Variants in SRP68 observed in about 807,000 individuals in gnomAD.
SRP68 encodes the protein signal recognition particle 68, also known as signal recognition particle subunit SRP68.
In SRP68, 15 loss-of-function variants were observed where a neutral mutation model predicts 82.2. That is an observed-to-expected ratio of 0.18 (90% CI 0.12 to 0.28). SRP68 has a LOEUF of 0.28. Ranked by LOEUF, SRP68 falls within the 10% of genes least tolerant of loss-of-function variation. SRP68 has a pLI of 1.00. For synonymous variants in SRP68, 261 were observed against 292.6 expected, an observed-to-expected ratio of 0.89 and a Z score of 1.10; for missense variants, 595 against 780.5, an observed-to-expected ratio of 0.76 and a Z score of 2.83.
At chr17:76,061,248 A>G (rs2066750234) in intron 5 of SRP68, 29 bp from the exon 6 acceptor site, 9 of 1,478,208 alleles carry the variant, frequency 6.1e-6, no homozygotes, top group African/African-American at 1.4e-5. Context: ...CAGGTTTTAC[A>G]TCAGCCTTAT....
At position 76,061,277 on chromosome 17, in the gene SRP68, G is replaced by T. The variant is rs1178020771; in HGVS notation, c.645-58C>A. 5 of 1,234,952 alleles carry T rather than the reference G, an allele frequency of 4.0e-6. No individual in the cohort carries two copies. In the East Asian group the frequency reaches 9.3e-5, roughly 23 times the overall value. 76.5% of individuals were successfully genotyped at this position (1,234,952 alleles called of 1,614,324 possible). A position where few individuals can be genotyped will look rare whatever the true frequency, so the allele number is the denominator to read the frequency against. The stretch of plus-strand genomic sequence containing the variant: ...GCCTTATATAAGAAAAACTCATGGG[G>T]AACACAGTGACTAAAAACAAATTAT... On this transcript the variant is annotated intron_variant, in intron 5 of 15. Transcript: ENST00000307877.
intron 3 of SRP68, 88 bp downstream of exon 3, chr17:76,067,129 A>T: frequency 1.0e-6 from 1 of 1,004,536 alleles, no homozygotes; most frequent in African/African-American, 1.6e-5. Flanking sequence ...AGAGATAATT[A>T]AAAGGTTTGG....
At chr17:76,056,522 G>A (rs1256748642) in intron 8 of SRP68, among the ~76,000 whole-genome samples, 3 of 152,188 alleles carry the variant, frequency 2.0e-5, no homozygotes, top group African/African-American at 7.2e-5. Context: ...AAAGGGATAT[G>A]AGACAGGCAA....
chr17:76,058,056 T>A (rs2066724718), intron 7 of SRP68, among the ~76,000 whole-genome samples: 1 of 151,838 alleles, frequency 6.6e-6, no homozygotes. Context: ...TACTGCAACC[T>A]CCAACTCCTG....
Position 76,039,068 on chromosome 17 carries a change from G to A in SRP68, c.*638C>T, listed in dbSNP as rs915467700. 1.7e-5 allele frequency: 5 copies of A among 295,822 alleles called. No homozygotes were observed. The highest frequency in any genetic ancestry group is 4.1e-5 in the Admixed American group (1 of 24,402). The allele number at this position is 295,822 out of a possible 1,614,324, so 18.3% of individuals were successfully genotyped here. A position where few individuals can be genotyped will look rare whatever the true frequency, so the allele number is the denominator to read the frequency against. ...GGCTCCCGAGGAGAGAACGGGGACT[G>A]GACATGAGGGAGGGCATATAAGAAA... On this transcript the variant is annotated 3_prime_UTR_variant, in exon 16 of 16. Transcript: ENST00000307877.
rs757212677 is a variant in SRP68, at chr17:76,043,705, G to C, written c.1524+124C>G. ...TCCTGGGCAGTCAGGGCTACACCAG[G>C]TCCCACGGGCAGCCAGGGAGGACCA... On this transcript the variant is annotated intron_variant, in intron 13 of 15. Coordinates refer to ENST00000307877, the MANE Select transcript of SRP68 (RefSeq NM_014230.4). The C allele has an allele frequency of 7.5e-5, 79 of 1,052,092 alleles. 1 individual carries two copies. Among genetic ancestry groups the C allele is most frequent in the Admixed American group, 1.5e-4 (5 of 34,140 alleles). 65.2% of individuals were successfully genotyped at this position (1,052,092 alleles called of 1,614,324 possible). A position where few individuals can be genotyped will look rare whatever the true frequency, so the allele number is the denominator to read the frequency against.
chr17:76,061,284 G>T, intron 5 of SRP68, 65 bp from the exon 6 acceptor site: 1 of 1,199,606 alleles, frequency 8.3e-7, no homozygotes, highest in Non-Finnish European at 1.2e-6. Context: ...GGGGAACACA[G>T]TGACTAAAAA....
At chr17:76,045,059 G>A (rs760638415) in intron 12 of SRP68, 56 of 404,460 alleles carry the variant, frequency 1.4e-4, no homozygotes, top group Non-Finnish European at 2.0e-4. Flanking sequence ...CAAGTTTAAC[G>A]TGTGTGCTCC....
chr17:76,048,846 C>T (rs532340034), intron 9 of SRP68: 1 of 152,358 alleles, frequency 6.6e-6, no homozygotes, highest in African/African-American at 2.4e-5. Flanking sequence ...TGAGGTGTCT[C>T]CCAACTGCTA....
Position 76,072,106 on chromosome 17 carries a change from G to A in SRP68, c.184+202C>T, listed in dbSNP as rs2066857219. 5.8e-6 allele frequency: 6 copies of A among 1,027,552 alleles called. No homozygotes were observed. The Admixed American group carries it at 1.3e-4, about 23-fold the overall frequency. The allele number at this position is 1,027,552 out of a possible 1,614,324, so 63.7% of individuals were successfully genotyped here. On this transcript the variant is annotated intron_variant, in intron 1 of 15. Transcript: ENST00000307877. The surrounding 1 kb of genome is among the most constrained non-coding windows in gnomAD (Gnocchi z 4.5). ...CCACTGGAAGAAACGGACCTAGCCA[G>A]GACGGCGAGGGGGACACGAGGAAAG...
intron 8 of SRP68, among the ~76,000 whole-genome samples, chr17:76,056,037 T>A (rs968666411): frequency 6.6e-6 from 1 of 152,040 alleles, no homozygotes; most frequent in Admixed American, 6.6e-5. Context: ...GGTCTCCAAC[T>A]CCTGAGCTCA....
chr17:76,047,090 G>A (rs2066637847), intron 10 of SRP68, among the ~76,000 whole-genome samples: 1 of 152,182 alleles, frequency 6.6e-6, no homozygotes, highest in Admixed American at 6.5e-5. Flanking sequence ...AAGGGCCGCA[G>A]GGAGCTTCAA....
intron 8 of SRP68, among the ~76,000 whole-genome samples, chr17:76,051,089 TCTC>T (rs1202166097): frequency 1.3e-5 from 2 of 152,178 alleles, no homozygotes; most frequent in Non-Finnish European, 2.9e-5. Context: ...AAAAGACAGT[TCTC>T]CTAAATATCA....
At chr17:76,054,532 T>C (rs955869073) in intron 8 of SRP68, among the ~76,000 whole-genome samples, 7 of 152,168 alleles carry the variant, frequency 4.6e-5, no homozygotes, top group African/African-American at 1.7e-4. Flanking sequence ...AATATTAAAA[T>C]ATTAACCATA....
At chr17:76,042,663 C>T (rs1219983443) in intron 13 of SRP68, among the ~76,000 whole-genome samples, 1 of 152,104 alleles carries the variant, frequency 6.6e-6, no homozygotes, top group Non-Finnish European at 1.5e-5. Context: ...TGGCTCACTG[C>T]AACCTCTGCC....
chr17:76,042,372 G>C (rs572026534), intron 13 of SRP68, among the ~76,000 whole-genome samples: 1 of 151,916 alleles, frequency 6.6e-6, no homozygotes, highest in South Asian at 2.1e-4. Context: ...GGGAGGCTGA[G>C]GTCAGCGGAT....
At chr17:76,043,789 C>G (rs1486111822) in intron 13 of SRP68, 40 bp downstream of exon 13, 1 of 1,549,322 alleles carries the variant, frequency 6.5e-7, no homozygotes, top group East Asian at 2.3e-5. Context: ...GACTCCATAA[C>G]CTGCCAGGGC....
chr17:76,055,600 A>G (rs910832951), intron 8 of SRP68, among the ~76,000 whole-genome samples: 1 of 151,650 alleles, frequency 6.6e-6, no homozygotes, highest in African/African-American at 2.4e-5. Flanking sequence ...CTAAAAATAA[A>G]AAAATTAGCC....
intron 9 of SRP68, chr17:76,048,898 T>C (rs1319186757): frequency 6.6e-6 from 1 of 152,228 alleles, no homozygotes; most frequent in Non-Finnish European, 1.5e-5. Context: ...TGGGACTCTG[T>C]AGGCACCTCT....
Sources: allele counts gnomAD v4.1 joint callset (sites outside exome capture counted in the v4.1 genomes callset), GRCh38; gene constraint gnomAD v4.1.1; non-coding constraint Gnocchi (gnomAD v3.1); transcripts MANE v1.5; gene names NCBI Gene and HGNC (gene_info 2026-07-23, HGNC 2026-07-21).